The following FMN2 variants were observed in gnomAD, a reference collection of about 807,000 sequenced individuals.
The protein encoded by FMN2 is formin 2.
Under a neutral mutation model 142.3 loss-of-function variants are expected in FMN2, and 51 were observed. The ratio of observed to expected loss-of-function variants is 0.36; its 90% CI spans 0.29 to 0.45. The LOEUF is 0.45. FMN2 is among the 20% of genes least tolerant of loss of function. The probability of loss-of-function intolerance (pLI) is 1.00; values close to 1 mark genes in which losing one functional copy is unlikely to be tolerated. For missense variants in FMN2, 1,936 were observed against 2,122.8 expected (o/e 0.91, Z 1.73); for synonymous variants, 882 against 869.8 (o/e 1.01, Z -0.25).
At chr1:240,307,844 A>G (rs1001091396) in intron 8 of FMN2, among the ~76,000 whole-genome samples, 4 of 152,156 alleles carry the variant, frequency 2.6e-5, no homozygotes, top group African/African-American at 9.7e-5. Flanking sequence ...GGATATTTTA[A>G]TGATATTCTT....
At chr1:240,286,538 T>C (rs1267509992) in intron 7 of FMN2, among the ~76,000 whole-genome samples, 10 of 152,220 alleles carry the variant, frequency 6.6e-5, no homozygotes, top group African/African-American at 2.2e-4. Context: ...TTTTATCATT[T>C]TAAGGTCTAC....
At chr1:240,278,302 C>A (rs1162938563) in intron 7 of FMN2, among the ~76,000 whole-genome samples, 1 of 152,144 alleles carries the variant, frequency 6.6e-6, no homozygotes, top group African/African-American at 2.4e-5. Context: ...AGCACAAGGT[C>A]TGGGTGTCAC....
chr1:240,305,835 A>G (rs904122285), intron 8 of FMN2, among the ~76,000 whole-genome samples: 5 of 152,200 alleles, frequency 3.3e-5, no homozygotes, highest in Non-Finnish European at 7.3e-5. Flanking sequence ...TTACATGAAA[A>G]GGTCATCTTA....
In FMN2 at chr1:240,384,928, A is replaced by G. The variant is rs147616800; in HGVS notation, c.4859-7583A>G. 3.5e-4 allele frequency among the ~76,000 whole-genome samples: 54 copies of G among 152,290 alleles called. No homozygotes were observed. In the East Asian group the frequency reaches 0.01, roughly 29 times the overall value. On this transcript the variant is annotated intron_variant, in intron 14 of 17. Transcript: ENST00000319653. ...ACATTCCCATTTAAACATCTCTAAA[A>G]CATCTACATGTATGATTATTTGTCT...
intron 14 of FMN2, among the ~76,000 whole-genome samples, chr1:240,378,392 C>A (rs1673117402): frequency 1.3e-5 from 2 of 152,146 alleles, no homozygotes; most frequent in African/African-American, 4.8e-5. Flanking sequence ...CTCAGGTGAT[C>A]CACCCACCTC....
At chr1:240,254,991 G>A (rs1668402222) in intron 6 of FMN2, among the ~76,000 whole-genome samples, 1 of 152,166 alleles carries the variant, frequency 6.6e-6, no homozygotes, top group Non-Finnish European at 1.5e-5. Flanking sequence ...CTGATCTCCG[G>A]GTGGCTCCCA....
intron 15 of FMN2, among the ~76,000 whole-genome samples, chr1:240,399,230 C>T (rs1275302266): frequency 6.6e-6 from 1 of 152,190 alleles, no homozygotes; most frequent in African/African-American, 2.4e-5. Context: ...TGTCGAGTAT[C>T]AACTTCATAA....
intron 2 of FMN2, among the ~76,000 whole-genome samples, chr1:240,132,253 A>C (rs1662770473): frequency 2.0e-5 from 3 of 152,234 alleles, no homozygotes; most frequent in Non-Finnish European, 2.9e-5. Context: ...CTCAAGGGCA[A>C]GGGAACTGAT....
chr1:240,435,160 A>C (rs910704698), intron 15 of FMN2, among the ~76,000 whole-genome samples: 1 of 147,518 alleles, frequency 6.8e-6, no homozygotes, highest in African/African-American at 2.7e-5. Flanking sequence ...CCTCTTATAA[A>C]GTGAATACAT....
At chr1:240,452,395 A>C (rs1676091054) in intron 16 of FMN2, among the ~76,000 whole-genome samples, 1 of 152,146 alleles carries the variant, frequency 6.6e-6, no homozygotes, top group Non-Finnish European at 1.5e-5. Flanking sequence ...ACAAGGAAAA[A>C]GGACAGAGGT....
In FMN2 at chr1:240,177,873, T is replaced by A. The variant is rs2103323360; in HGVS notation, c.1783-48T>A. On this transcript the variant is annotated intron_variant, in intron 2 of 17. Transcript: ENST00000319653. The stretch of plus-strand genomic sequence containing the variant: ...AATGTATTAGTCATGGCTTATTTTT[T>A]TGTAACTGAATTAATAGCATTTCAA... 2.0e-6 allele frequency: 3 copies of A among 1,466,352 alleles called. No individual in the cohort carries two copies. In the East Asian group the frequency reaches 7.1e-5, roughly 35 times the overall value. 90.8% of individuals were successfully genotyped at this position (1,466,352 alleles called of 1,614,324 possible). A position where few individuals can be genotyped will look rare whatever the true frequency, so the allele number is the denominator to read the frequency against.
chr1:240,105,663 A>G (rs771071019), intron 1 of FMN2, among the ~76,000 whole-genome samples: 22 of 152,138 alleles, frequency 1.4e-4, no homozygotes, highest in Non-Finnish European at 1.9e-4. Context: ...GATGCTTCAT[A>G]TATTTTATTA....
At chr1:240,323,124 T>C (rs79989474) in intron 8 of FMN2, among the ~76,000 whole-genome samples, 2 of 149,940 alleles carry the variant, frequency 1.3e-5, no homozygotes, top group Admixed American at 6.7e-5. Flanking sequence ...TTTCTTTTTC[T>C]TTCCTTCCTT....
At chr1:240,379,435 C>T (rs1207658527) in intron 14 of FMN2, among the ~76,000 whole-genome samples, 1 of 152,108 alleles carries the variant, frequency 6.6e-6, no homozygotes, top group Non-Finnish European at 1.5e-5. Context: ...ATTTTTGATC[C>T]TTCTTTTCTG....
intron 15 of FMN2, among the ~76,000 whole-genome samples, chr1:240,413,169 G>T (rs1437933946): frequency 8.9e-6 from 1 of 111,896 alleles, no homozygotes; most frequent in African/African-American, 3.2e-5. Flanking sequence ...AAACATAATA[G>T]AGAAGGAAAG....
At chr1:240,217,769 A>G (rs1228040310) in intron 6 of FMN2, among the ~76,000 whole-genome samples, 2 of 152,010 alleles carry the variant, frequency 1.3e-5, no homozygotes, top group Non-Finnish European at 2.9e-5. Flanking sequence ...TTTAGCCAGT[A>G]AGATTGTTTT....
chr1:240,468,680 A>T (rs1192282420), intron 16 of FMN2, among the ~76,000 whole-genome samples: 2 of 152,090 alleles, frequency 1.3e-5, no homozygotes. Flanking sequence ...TCTTTTTTCT[A>T]CTTAGTTAAG....
At chr1:240,422,635 G>A (rs4414032) in intron 15 of FMN2, among the ~76,000 whole-genome samples, 2,148 of 152,300 alleles carry the variant, frequency 0.014, 56 homozygotes, top group African/African-American at 0.05. Flanking sequence ...AGCTCCGGGA[G>A]TTATTTTGTA....
At chr1:240,302,072 T>C (rs1024080606) in intron 8 of FMN2, among the ~76,000 whole-genome samples, 6 of 152,064 alleles carry the variant, frequency 3.9e-5, no homozygotes, top group African/African-American at 1.4e-4. Flanking sequence ...CATTTTTTTC[T>C]TTCTGTTCAT....
Sources: allele counts gnomAD v4.1 joint callset (sites outside exome capture counted in the v4.1 genomes callset), GRCh38; gene constraint gnomAD v4.1.1; transcripts MANE v1.5; gene names NCBI Gene and HGNC (gene_info 2026-07-23, HGNC 2026-07-21).